Variants in AFAP1 observed in about 807,000 individuals in gnomAD.
AFAP1 encodes the protein actin filament associated protein 1, also known as actin filament-associated protein 1.
Under a neutral mutation model 93.9 loss-of-function variants are expected in AFAP1, and 75 were observed. The ratio of observed to expected loss-of-function variants is 0.80; its 90% CI spans 0.66 to 0.97. The LOEUF is 0.97. Among genes scored for constraint, AFAP1 ranks in the 50% least tolerant of loss-of-function variants. AFAP1 has a pLI of 0.00. For synonymous variants in AFAP1, 517 were observed against 430.7 expected (o/e 1.20, Z -2.48); for missense variants, 1,201 against 1,050.8 (o/e 1.14, Z -1.98).
intron 1 of AFAP1, among the ~76,000 whole-genome samples, chr4:7,897,743 C>T (rs1264546496): frequency 6.6e-6 from 1 of 152,020 alleles, no homozygotes; most frequent in East Asian, 1.9e-4. Context: ...AGGCTGGTCT[C>T]GAACTCCTGA....
At chr4:7,770,429 C>G (rs1715270177) in intron 16 of AFAP1, among the ~76,000 whole-genome samples, 1 of 152,114 alleles carries the variant, frequency 6.6e-6, no homozygotes, top group Admixed American at 6.5e-5. Context: ...CAATGGGAAG[C>G]CACATCCAGA....
chr4:7,788,401 G>A (rs1284052264), intron 11 of AFAP1, among the ~76,000 whole-genome samples: 1 of 152,262 alleles, frequency 6.6e-6, no homozygotes, highest in South Asian at 2.1e-4. Context: ...AGCAGTGCGG[G>A]CCGCGGAAAT....
chr4:7,802,535 C>T (rs559479612), intron 9 of AFAP1, among the ~76,000 whole-genome samples: 79 of 152,082 alleles, frequency 5.2e-4, no homozygotes, highest in Admixed American at 1.8e-3. Flanking sequence ...GAGTTAAAGA[C>T]GGCAGATAAA....
intron 13 of AFAP1, 177 bp from the exon 14 acceptor site, chr4:7,779,053 G>C: frequency 5.1e-6 from 3 of 588,890 alleles, no homozygotes; most frequent in Non-Finnish European, 9.0e-6. Flanking sequence ...TGGGCTGCTG[G>C]GATTCTGGGG....
At chr4:7,805,998 T>TG (rs1233270425) in intron 9 of AFAP1, among the ~76,000 whole-genome samples, 5 of 151,966 alleles carry the variant, frequency 3.3e-5, no homozygotes, top group African/African-American at 9.7e-5. Flanking sequence ...GAAATAGGGA[T>TG]GGGGAAGAGA....
At chr4:7,822,297 A>G (rs532555392) in intron 6 of AFAP1, among the ~76,000 whole-genome samples, 4 of 152,142 alleles carry the variant, frequency 2.6e-5, no homozygotes, top group Non-Finnish European at 5.9e-5. Context: ...CACGCACAAA[A>G]TAATACCTCA....
intron 6 of AFAP1, among the ~76,000 whole-genome samples, chr4:7,836,783 A>T (rs753338651): frequency 2.0e-5 from 3 of 152,090 alleles, no homozygotes. Flanking sequence ...GAAATTCAGC[A>T]TCTAGACTAT....
intron 4 of AFAP1, among the ~76,000 whole-genome samples, chr4:7,855,170 T>G (rs377303332): frequency 1.3e-5 from 2 of 152,110 alleles, no homozygotes; most frequent in East Asian, 3.9e-4. Context: ...ACCCAAAAAA[T>G]ATACCACAAA....
intron 8 of AFAP1, among the ~76,000 whole-genome samples, chr4:7,811,997 G>A (rs942326613): frequency 6.7e-5 from 9 of 133,666 alleles, no homozygotes; most frequent in African/African-American, 2.6e-4. Context: ...AAAATAAAGC[G>A]CCGAGACTGG....
At chr4:7,806,512 G>T (rs866717374) in intron 9 of AFAP1, among the ~76,000 whole-genome samples, 1 of 152,110 alleles carries the variant, frequency 6.6e-6, no homozygotes, top group Non-Finnish European at 1.5e-5. Context: ...CTGCACTTCC[G>T]GCCAGTCCAG....
At chr4:7,768,321 T>A (rs369050774) in intron 17 of AFAP1, among the ~76,000 whole-genome samples, 1 of 152,250 alleles carries the variant, frequency 6.6e-6, no homozygotes, top group Non-Finnish European at 1.5e-5. Context: ...AACTTGCTAG[T>A]GGCTAATCCC....
At chr4:7,825,581 C>T (rs530238090) in intron 6 of AFAP1, among the ~76,000 whole-genome samples, 5 of 151,990 alleles carry the variant, frequency 3.3e-5, no homozygotes, top group South Asian at 2.1e-4. Context: ...TAGAGGGTGC[C>T]GTTAACACTG....
chr4:7,780,660 A>T (rs796460767), intron 13 of AFAP1, among the ~76,000 whole-genome samples: 12 of 141,714 alleles, frequency 8.5e-5, no homozygotes, highest in African/African-American at 1.6e-4. Context: ...TTTTTTTTTA[A>T]AAAGGCCTAA....
At chr4:7,926,131 G>A (rs1483298563) in intron 1 of AFAP1, among the ~76,000 whole-genome samples, 1 of 152,174 alleles carries the variant, frequency 6.6e-6, no homozygotes, top group Non-Finnish European at 1.5e-5. Context: ...GTGGTATCCT[G>A]ACTTACCGGG....
At chr4:7,847,524 A>G (rs1005196049) in intron 4 of AFAP1, among the ~76,000 whole-genome samples, 1 of 152,234 alleles carries the variant, frequency 6.6e-6, no homozygotes, top group Non-Finnish European at 1.5e-5. Flanking sequence ...ATGCTTAGTG[A>G]TGACCCAATC....
At chr4:7,891,735 G>C (rs1406325057) in intron 1 of AFAP1, among the ~76,000 whole-genome samples, 1 of 137,204 alleles carries the variant, frequency 7.3e-6, no homozygotes, top group African/African-American at 2.7e-5. Context: ...TTATAAATAT[G>C]GTCTCATTAA....
intron 1 of AFAP1, among the ~76,000 whole-genome samples, chr4:7,881,123 C>G (rs766937764): frequency 6.6e-6 from 1 of 152,118 alleles, no homozygotes; most frequent in Admixed American, 6.5e-5. Context: ...GGACCTAGAC[C>G]CAGGCAACTC....
intron 1 of AFAP1, among the ~76,000 whole-genome samples, chr4:7,893,090 C>CAGG (rs35713661): frequency 3.6e-4 from 54 of 152,008 alleles, no homozygotes; most frequent in Non-Finnish European, 7.2e-4. Context: ...GCCCCGGTGC[C>CAGG]GGGGGGGCAG....
At chr4:7,827,590 A>AAAAAAAAAAAAAAAAAAAAAT (rs1721544109) in intron 6 of AFAP1, among the ~76,000 whole-genome samples, 1 of 142,382 alleles carries the variant, frequency 7.0e-6, no homozygotes, top group Non-Finnish European at 1.5e-5. Context: ...AAAAAAAAAA[A>AAAAAAAAAAAAAAAAAAAAAT]GGGAGAGGAG....
Sources: allele counts gnomAD v4.1 joint callset (sites outside exome capture counted in the v4.1 genomes callset), GRCh38; gene constraint gnomAD v4.1.1; transcripts MANE v1.5; gene names NCBI Gene and HGNC (gene_info 2026-07-23, HGNC 2026-07-21).